The following DENND1A variants were observed in gnomAD, a reference collection of about 807,000 sequenced individuals.
DENND1A encodes the protein DENN domain containing 1A, also known as DENN domain-containing protein 1A.
DENND1A carries 51 observed loss-of-function variants against 113.7 expected under a neutral mutation model. The ratio of observed to expected loss-of-function variants is 0.45; its 90% CI spans 0.36 to 0.57. DENND1A has a LOEUF of 0.57. Ranked by LOEUF, DENND1A falls within the 20% of genes least tolerant of loss-of-function variation. The pLI, the probability that DENND1A is intolerant of heterozygous loss-of-function variation, is 0.00. For synonymous variants in DENND1A, 565 were observed against 570.8 expected, an observed-to-expected ratio of 0.99 and a Z score of 0.14; for missense variants, 1,258 against 1,395.9, an observed-to-expected ratio of 0.90 and a Z score of 1.57.
At chr9:123,550,360 GAGAGGGCC>G (rs1456638036) in intron 13 of DENND1A, among the ~76,000 whole-genome samples, 2 of 152,266 alleles carry the variant, frequency 1.3e-5, no homozygotes, top group African/African-American at 4.8e-5. Context: ...GGTTGGCCCA[GAGAGGGCC>G]ACACAAGCTA....
intron 13 of DENND1A, among the ~76,000 whole-genome samples, chr9:123,529,096 T>C (rs1418072487): frequency 6.6e-6 from 1 of 152,124 alleles, no homozygotes; most frequent in Non-Finnish European, 1.5e-5. Context: ...GGCCTGTGAG[T>C]TCCCCTGTCA....
At chr9:123,603,480 T>C (rs2060018658) in intron 11 of DENND1A, among the ~76,000 whole-genome samples, 1 of 152,200 alleles carries the variant, frequency 6.6e-6, no homozygotes, top group African/African-American at 2.4e-5. Context: ...TTTAAGCACT[T>C]GTATGTTTGA....
intron 1 of DENND1A, among the ~76,000 whole-genome samples, chr9:123,896,732 A>G (rs1850815908): frequency 6.6e-6 from 1 of 152,214 alleles, no homozygotes; most frequent in Non-Finnish European, 1.5e-5. Flanking sequence ...AGAATGAATA[A>G]CTGAACGGAT....
intron 14 of DENND1A, 34 bp from the exon 15 acceptor site, chr9:123,457,469 G>T: frequency 1.3e-6 from 2 of 1,546,104 alleles, no homozygotes; most frequent in Non-Finnish European, 1.8e-6. Flanking sequence ...ACAACAGCTC[G>T]TACAAAGAAA....
intron 9 of DENND1A, among the ~76,000 whole-genome samples, chr9:123,648,765 C>A (rs538440893): frequency 6.6e-6 from 1 of 152,162 alleles, no homozygotes; most frequent in African/African-American, 2.4e-5. Flanking sequence ...TTAAATTTTG[C>A]CTTTCACATT....
At chr9:123,852,965 C>T (rs1843600133) in intron 2 of DENND1A, among the ~76,000 whole-genome samples, 1 of 151,638 alleles carries the variant, frequency 6.6e-6, no homozygotes, top group Non-Finnish European at 1.5e-5. Context: ...GTCACCCAGG[C>T]TAGAATGCAG....
chr9:123,637,207 C>G (rs899034307), intron 9 of DENND1A, among the ~76,000 whole-genome samples: 1 of 152,108 alleles, frequency 6.6e-6, no homozygotes, highest in Non-Finnish European at 1.5e-5. Flanking sequence ...TGAACATAAA[C>G]GCAAAGAAAT....
chr9:123,730,830 A>C (rs1203437620), intron 5 of DENND1A, among the ~76,000 whole-genome samples: 1 of 152,252 alleles, frequency 6.6e-6, no homozygotes, highest in African/African-American at 2.4e-5. Context: ...GGCACTGCTC[A>C]CAACAGCAAA....
At chr9:123,914,065 T>C (rs922288434) in intron 1 of DENND1A, among the ~76,000 whole-genome samples, 1 of 151,838 alleles carries the variant, frequency 6.6e-6, no homozygotes, top group Non-Finnish European at 1.5e-5. Context: ...ATCATAAAGA[T>C]ATATTTTAAG....
At chr9:123,403,317 C>T (rs995191983) in intron 21 of DENND1A, 85 bp downstream of exon 21, 63 of 1,419,802 alleles carry the variant, frequency 4.4e-5, no homozygotes, top group Admixed American at 5.7e-5. Context: ...TCACAAAGGC[C>T]GGGGCTACAC....
intron 13 of DENND1A, among the ~76,000 whole-genome samples, chr9:123,496,778 G>A (rs1024497083): frequency 6.6e-6 from 1 of 152,228 alleles, no homozygotes; most frequent in Non-Finnish European, 1.5e-5. Context: ...CGTTATTGAT[G>A]CGCTGGTACA....
At chr9:123,499,499 C>T (rs575054210) in intron 13 of DENND1A, among the ~76,000 whole-genome samples, 4 of 152,288 alleles carry the variant, frequency 2.6e-5, no homozygotes, top group Non-Finnish European at 2.9e-5. Context: ...CACCAGGCAG[C>T]GCTCTCATCA....
At chr9:123,674,383 C>T in intron 6 of DENND1A, among the ~76,000 whole-genome samples, 1 of 142,754 alleles carries the variant, frequency 7.0e-6, no homozygotes, top group Admixed American at 7.0e-5. Context: ...CACACACACA[C>T]ACACACACAC....
chr9:123,743,169 T>C (rs7870993), intron 5 of DENND1A, among the ~76,000 whole-genome samples: 22,023 of 148,088 alleles, frequency 0.15, 1,989 homozygotes, highest in African/African-American at 0.26. Flanking sequence ...CTTTGGGAGG[T>C]TGAGACAGGC....
At chr9:123,603,730 GTAAC>G (rs960506324) in intron 11 of DENND1A, among the ~76,000 whole-genome samples, 20 of 152,254 alleles carry the variant, frequency 1.3e-4, no homozygotes, top group African/African-American at 4.8e-4. Context: ...TGTAGAAAAA[GTAAC>G]TAATTCATAA....
At chr9:123,800,459 T>A (rs1472590042) in intron 2 of DENND1A, among the ~76,000 whole-genome samples, 1 of 152,206 alleles carries the variant, frequency 6.6e-6, no homozygotes, top group Non-Finnish European at 1.5e-5. Flanking sequence ...AGGCTCACAA[T>A]GAACAAATTC....
intron 9 of DENND1A, among the ~76,000 whole-genome samples, chr9:123,634,097 A>C (rs960155170): frequency 2.6e-5 from 4 of 152,234 alleles, no homozygotes; most frequent in Non-Finnish European, 5.9e-5. Flanking sequence ...TTGGGTCAAA[A>C]GCCTATTTAA....
intron 11 of DENND1A, among the ~76,000 whole-genome samples, chr9:123,605,159 T>G (rs74352646): frequency 0.078 from 11,910 of 152,192 alleles, 505 homozygotes; most frequent in Non-Finnish European, 0.09. Flanking sequence ...AGCCACCGGA[T>G]CCTCTGTCTG....
At chr9:123,837,240 C>T (rs765994967) in intron 2 of DENND1A, among the ~76,000 whole-genome samples, 22 of 152,168 alleles carry the variant, frequency 1.4e-4, no homozygotes, top group African/African-American at 4.1e-4. Context: ...AATAATCAAA[C>T]GATCCCACCA....
Sources: gnomAD v4.1 joint callset for allele counts (sites outside exome capture counted in the v4.1 genomes callset) on GRCh38, gnomAD v4.1.1 for gene constraint, MANE v1.5 for transcripts, NCBI Gene and HGNC (gene_info 2026-07-23, HGNC 2026-07-21) for gene names.